Variants in KIAA0319L observed in about 807,000 individuals in gnomAD.
KIAA0319L encodes dyslexia-associated protein KIAA0319-like protein.
KIAA0319L carries 55 observed loss-of-function variants against 120.1 expected under a neutral mutation model. That is an observed-to-expected ratio of 0.46 (90% CI 0.37 to 0.57). The LOEUF is 0.57. KIAA0319L is among the 20% of genes least tolerant of loss of function. The pLI is 0.00. For synonymous variants in KIAA0319L, 398 were observed against 471.9 expected (o/e 0.84, Z 2.03); for missense variants, 1,049 against 1,255.3 (o/e 0.84, Z 2.48).
intron 2 of KIAA0319L, among the ~76,000 whole-genome samples, chr1:35,550,393 G>A (rs2148513962): frequency 6.6e-6 from 1 of 152,348 alleles, no homozygotes; most frequent in Admixed American, 6.5e-5. Context: ...GTAAACTCAT[G>A]AGTAGAGAAA....
chr1:35,537,923 TC>T (rs1238455290), intron 2 of KIAA0319L, among the ~76,000 whole-genome samples: 1 of 152,076 alleles, frequency 6.6e-6, no homozygotes, highest in East Asian at 1.9e-4. Flanking sequence ...CTTCCCTCTA[TC>T]CCTCCCTCTA....
At chr1:35,439,792 T>C (rs1410138115) in intron 20 of KIAA0319L, 1 of 152,134 alleles carries the variant, frequency 6.6e-6, no homozygotes, top group African/African-American at 2.4e-5. Flanking sequence ...CAAGACCTTG[T>C]CGCCACATTT....
chr1:35,544,226 G>A (rs147569196), intron 2 of KIAA0319L, among the ~76,000 whole-genome samples: 76 of 152,016 alleles, frequency 5.0e-4, no homozygotes, highest in African/African-American at 1.7e-3. Context: ...AAAATTAGGC[G>A]AGCATGGCAG....
intron 2 of KIAA0319L, among the ~76,000 whole-genome samples, chr1:35,527,858 T>A (rs967182739): frequency 6.6e-6 from 1 of 151,668 alleles, no homozygotes; most frequent in African/African-American, 2.4e-5. Context: ...TTTTATTTCT[T>A]AGTCTCTATT....
At chr1:35,446,787 T>C (rs1570625664) in intron 16 of KIAA0319L, among the ~76,000 whole-genome samples, 1 of 152,158 alleles carries the variant, frequency 6.6e-6, no homozygotes, top group East Asian at 1.9e-4. Flanking sequence ...CCATCTTAGC[T>C]CTCTCCTAGT....
chr1:35,552,021 G>A (rs1647238203), intron 2 of KIAA0319L, among the ~76,000 whole-genome samples: 2 of 151,546 alleles, frequency 1.3e-5, no homozygotes, highest in South Asian at 2.1e-4. Flanking sequence ...CAAATAGGAA[G>A]CTGCTTACCA....
chr1:35,502,484 CT>C (rs1443803799), intron 3 of KIAA0319L, among the ~76,000 whole-genome samples: 3 of 151,848 alleles, frequency 2.0e-5, no homozygotes, highest in Non-Finnish European at 4.4e-5. Context: ...TAAAGACTAC[CT>C]CAGTGTCCAC....
intron 20 of KIAA0319L, among the ~76,000 whole-genome samples, chr1:35,436,861 C>G (rs142294295): frequency 7.2e-5 from 11 of 152,162 alleles, no homozygotes; most frequent in Middle Eastern, 3.2e-3. Context: ...CTCTTTCCCC[C>G]CAACGGACCC....
intron 8 of KIAA0319L, among the ~76,000 whole-genome samples, chr1:35,461,402 G>T (rs886381879): frequency 6.6e-6 from 1 of 152,100 alleles, no homozygotes; most frequent in African/African-American, 2.4e-5. Context: ...GGAGGTGGAG[G>T]TTGCAGTGAG....
chr1:35,513,841 T>A (rs1217350591), intron 2 of KIAA0319L, among the ~76,000 whole-genome samples: 1 of 152,228 alleles, frequency 6.6e-6, no homozygotes, highest in Non-Finnish European at 1.5e-5. Context: ...GTGAGAGTGA[T>A]GTCTTTAACA....
At chr1:35,518,323 C>A (rs571026534) in intron 2 of KIAA0319L, among the ~76,000 whole-genome samples, 1 of 152,140 alleles carries the variant, frequency 6.6e-6, no homozygotes, top group Admixed American at 6.5e-5. Context: ...CCTAAATGTT[C>A]ATCAGTGACA....
intron 2 of KIAA0319L, among the ~76,000 whole-genome samples, chr1:35,532,268 C>G (rs1400854207): frequency 6.6e-5 from 10 of 151,446 alleles, no homozygotes; most frequent in Admixed American, 5.9e-4. Context: ...GGAAGAGGTA[C>G]TCTGATCTCT....
In KIAA0319L at chr1:35,441,098, G is replaced by T. The variant is rs1178343524; in HGVS notation, c.2911C>A (p.Leu971Met). Residue 971 changes from leucine (L) to methionine (M), a missense_variant, in exon 20 of 21, where the codon CTG becomes ATG. Physicochemically the swap from Leu to Met is conservative, Grantham distance 15. Transcript: ENST00000325722. The part of the protein sequence containing the change: ...KPKRKSKYKI[L>M]DATDQESLEL... ...AGGCTTTCCTGATCCGTGGCATCCAGGATCTTGTACTTGCTTTTCCTCTTG... is the reference window on the plus strand; with the variant it reads ...AGGCTTTCCTGATCCGTGGCATCCATGATCTTGTACTTGCTTTTCCTCTTG... 2 of 1,614,146 alleles carry T rather than the reference G, an allele frequency of 1.2e-6. No homozygotes were observed. The highest frequency in any genetic ancestry group is 3.3e-5 in the Admixed American group (2 of 60,010).
chr1:35,499,370 C>T (rs138257347), intron 3 of KIAA0319L, among the ~76,000 whole-genome samples: 90 of 152,058 alleles, frequency 5.9e-4, no homozygotes, highest in Non-Finnish European at 1.1e-3. Context: ...TCTTAGAAAA[C>T]GGACCAGAGA....
Position 35,453,623 on chromosome 1 carries a change from G to T in KIAA0319L, c.1847C>A (p.Thr616Lys). 1.9e-6 allele frequency: 3 copies of T among 1,614,000 alleles called. No homozygotes were observed. The highest frequency in any genetic ancestry group is 1.3e-5 in the African/African-American group (1 of 75,018). ...TGAGCTCTTGCTGCCATCCAGGGTTGTGCTATCCACAGGAAGGGTCAGCTC... is the reference window on the plus strand; with the variant it reads ...TGAGCTCTTGCTGCCATCCAGGGTTTTGCTATCCACAGGAAGGGTCAGCTC... ...DKELTLPVDS[T>K]TLDGSKSSDD... The change falls in exon 12 of 21, where the codon ACA becomes AAA. Residue 616 changes from threonine to lysine, a missense_variant. Thr to Lys is a moderately conservative substitution (Grantham distance 78). Transcript: ENST00000325722. The surrounding 1 kb of genome is among the most constrained non-coding windows in gnomAD (Gnocchi z 4.1).
intron 12 of KIAA0319L, among the ~76,000 whole-genome samples, chr1:35,452,445 G>T (rs1642132858): frequency 6.6e-6 from 1 of 152,182 alleles, no homozygotes; most frequent in Non-Finnish European, 1.5e-5. Context: ...CTCTGCTCAA[G>T]GATCAAAATG....
At chr1:35,452,858 CA>C (rs1642165019) in intron 12 of KIAA0319L, among the ~76,000 whole-genome samples, 1 of 150,920 alleles carries the variant, frequency 6.6e-6, no homozygotes, top group Non-Finnish European at 1.5e-5. Flanking sequence ...AACAAACAAA[CA>C]CAATACAAAA....
chr1:35,492,003 G>C (rs1030155220), intron 3 of KIAA0319L, among the ~76,000 whole-genome samples: 12 of 152,252 alleles, frequency 7.9e-5, no homozygotes, highest in African/African-American at 2.9e-4. Flanking sequence ...TGAATTTCTA[G>C]TTTAAAACTT....
At position 35,484,788 on chromosome 1, in the gene KIAA0319L, ATATATATATATATATATATT is replaced by A. The variant is rs1403135058; in HGVS notation, c.667-5596_667-5577del. On this transcript the variant is annotated intron_variant, in intron 3 of 20. Coordinates refer to ENST00000325722, the MANE Select transcript of KIAA0319L (RefSeq NM_024874.5). ...TAATCATATATATATATATATATAT[ATATATATATATATATATATT>A]TTTTTTTTTATTATACTCTAAGTTT... Among the ~76,000 whole-genome samples, 242 of 59,572 alleles carry A rather than the reference ATATATATATATATATATATT, an allele frequency of 4.1e-3. 2 individuals carry two copies. Among genetic ancestry groups the A allele is most frequent in the African/African-American group, 0.014 (222 of 15,682 alleles). The allele number at this position is 59,572 out of a possible 152,430, so 39.1% of individuals were successfully genotyped here.
Sources: allele counts gnomAD v4.1 joint callset (sites outside exome capture counted in the v4.1 genomes callset), GRCh38; gene constraint gnomAD v4.1.1; non-coding constraint Gnocchi (gnomAD v3.1); transcripts MANE v1.5; gene names NCBI Gene and HGNC (gene_info 2026-07-23, HGNC 2026-07-21).